Variants in RARB observed in about 807,000 individuals in gnomAD.
The protein encoded by RARB is HBV-activated protein.
A neutral mutation model predicts 51.9 loss-of-function variants in RARB; 17 were observed. That is an observed-to-expected ratio of 0.33 (90% confidence interval 0.22 to 0.49). The LOEUF (loss-of-function observed/expected upper bound fraction) is 0.49, where lower values mean the gene tolerates loss of function less well. Ranked by LOEUF, RARB falls within the 20% of genes least tolerant of loss-of-function variation. The pLI is 0.99. For synonymous variants in RARB, 215 were observed against 195.4 expected (o/e 1.10, Z -0.84); for missense variants, 369 against 550.8 (o/e 0.67, Z 3.30).
chr3:25,493,302 C>T (rs1015718550), intron 2 of RARB, among the ~76,000 whole-genome samples: 2 of 152,210 alleles, frequency 1.3e-5, no homozygotes, highest in African/African-American at 4.8e-5. Flanking sequence ...AATAACTTCT[C>T]AGACGTTGTC....
intron 5 of RARB, among the ~76,000 whole-genome samples, chr3:25,176,350 C>CTTTCTTTCTTTCTTTCTTTCT (rs1700749355): frequency 9.9e-5 from 5 of 50,516 alleles, no homozygotes; most frequent in Admixed American, 3.1e-4. Context: ...TCCTTCCTTC[C>CTTTCTTTCTTTCTTTCTTTCT]TTCCTTCCTT....
chr3:25,239,848 G>A (rs1702388764), intron 5 of RARB, among the ~76,000 whole-genome samples: 1 of 152,114 alleles, frequency 6.6e-6, no homozygotes, highest in Non-Finnish European at 1.5e-5. Context: ...TATTTTGACA[G>A]AGATTGCACT....
chr3:25,223,506 A>C (rs548556395), intron 5 of RARB, among the ~76,000 whole-genome samples: 2 of 152,132 alleles, frequency 1.3e-5, no homozygotes, highest in African/African-American at 4.8e-5. Context: ...AATACTTTAC[A>C]ATGACAAGCT....
chr3:24,888,070 G>A (rs75893217), intron 2 of RARB, among the ~76,000 whole-genome samples: 2,295 of 152,180 alleles, frequency 0.015, 52 homozygotes, highest in African/African-American at 0.052. Flanking sequence ...AATGATTAAA[G>A]TACTATGAGT....
chr3:25,213,250 C>G (rs2125379658), intron 5 of RARB, among the ~76,000 whole-genome samples: 1 of 152,310 alleles, frequency 6.6e-6, no homozygotes, highest in African/African-American at 2.4e-5. Context: ...TCCTCGCTGT[C>G]CTGCCTTCTG....
chr3:25,558,575 G>A (rs1263289674), intron 3 of RARB, among the ~76,000 whole-genome samples: 1 of 119,104 alleles, frequency 8.4e-6, no homozygotes. Flanking sequence ...ACCTTAGATT[G>A]TTCATCCTCG....
chr3:25,000,955 A>G (rs1018409009), intron 2 of RARB, among the ~76,000 whole-genome samples: 1 of 152,154 alleles, frequency 6.6e-6, no homozygotes, highest in Non-Finnish European at 1.5e-5. Context: ...TGATACTTGG[A>G]CAAAATTATG....
rs185931294 is a variant in RARB, at chr3:25,047,503, A to T, written c.-379-12622A>T. Among the ~76,000 whole-genome samples the T allele has an allele frequency of 1.4e-3, 214 of 152,306 alleles. 1 individual carries two copies. The highest frequency in any genetic ancestry group is 4.8e-3 in the African/African-American group (199 of 41,552). On this transcript the variant is annotated intron_variant, in intron 2 of 11. Transcript: ENST00000383772. ...GATTCACTCAGACTCTACATCTACT[A>T]TATTGGATGTCATAGCAAATGTCAA...
chr3:24,904,327 C>T (rs768319078), intron 2 of RARB, among the ~76,000 whole-genome samples: 12 of 152,100 alleles, frequency 7.9e-5, no homozygotes, highest in African/African-American at 2.9e-4. Context: ...GCCATGAAAA[C>T]AACCCCATCA....
At position 25,140,505 on chromosome 3, in the gene RARB, G is replaced by C. The variant is rs539049113; in HGVS notation, c.-280+8297G>C. On this transcript the variant is annotated intron_variant, in intron 4 of 11. Coordinates refer to the RARB transcript ENST00000383772. The stretch of plus-strand genomic sequence containing the variant: ...TTGCTACGGTCTCAAGATCAAACTT[G>C]AAGAGATGAGGAGTTGCTTCTTGTG... Among the ~76,000 whole-genome samples the C allele has an allele frequency of 1.1e-3, 171 of 152,292 alleles. 2 individuals are homozygous for C. Among genetic ancestry groups the C allele is most frequent in the Middle Eastern group, 6.8e-3 (2 of 294 alleles).
chr3:25,389,960 G>T (rs1706903412), intron 5 of RARB, among the ~76,000 whole-genome samples: 1 of 152,136 alleles, frequency 6.6e-6, no homozygotes, highest in Non-Finnish European at 1.5e-5. Context: ...AGGTGGTAAG[G>T]AGACATAAGT....
chr3:25,332,307 C>T (rs1022963309), intron 5 of RARB, among the ~76,000 whole-genome samples: 4 of 152,176 alleles, frequency 2.6e-5, no homozygotes, highest in Admixed American at 1.3e-4. Flanking sequence ...TCCAGCAGCA[C>T]ATCAAAAAGG....
intron 2 of RARB, among the ~76,000 whole-genome samples, chr3:25,010,886 C>A (rs553314988): frequency 6.6e-5 from 10 of 152,182 alleles, no homozygotes; most frequent in African/African-American, 2.2e-4. Flanking sequence ...TTAGTATTAT[C>A]TTTCTACCAA....
chr3:24,871,034 C>G (rs1352149550), intron 2 of RARB, among the ~76,000 whole-genome samples: 2 of 151,972 alleles, frequency 1.3e-5, no homozygotes, highest in African/African-American at 4.8e-5. Context: ...CCTCCGGTAA[C>G]CATCATTCTA....
At chr3:25,260,485 G>C (rs1702971454) in intron 5 of RARB, among the ~76,000 whole-genome samples, 1 of 152,052 alleles carries the variant, frequency 6.6e-6, no homozygotes, top group Non-Finnish European at 1.5e-5. Flanking sequence ...AAGGGCAGAA[G>C]AAAATCTCAC....
At chr3:25,322,056 A>G (rs1323960184) in intron 5 of RARB, among the ~76,000 whole-genome samples, 1 of 152,188 alleles carries the variant, frequency 6.6e-6, no homozygotes, top group African/African-American at 2.4e-5. Context: ...AATAAAATGC[A>G]TTATAAGCAA....
chr3:25,443,483 G>A (rs926289047), intron 1 of RARB, among the ~76,000 whole-genome samples: 2 of 151,562 alleles, frequency 1.3e-5, no homozygotes, highest in African/African-American at 2.4e-5. Context: ...AAGCTAAAGC[G>A]CGCCGGTAAT....
At chr3:25,441,089 G>C (rs1482438441) in intron 1 of RARB, 1 of 151,236 alleles carries the variant, frequency 6.6e-6, no homozygotes, top group African/African-American at 2.5e-5. Flanking sequence ...ATTTTTTTTC[G>C]GGGGGGTGGG....
Position 25,111,583 on chromosome 3 carries a change from G to GTTT in RARB, c.-327-20561_-327-20559dup, listed in dbSNP as rs370598264. ...TAAATGATCTCCGTTTCTAACAGTG[G>GTTT]TTTTTTTTTTTTTTTTTTTGAGACG... On this transcript the variant is annotated intron_variant, in intron 3 of 11. Coordinates refer to the RARB transcript ENST00000383772. 7.2e-3 allele frequency among the ~76,000 whole-genome samples: 871 copies of GTTT among 120,844 alleles called. 50 individuals carry two copies. The highest frequency in any genetic ancestry group is 0.043 in the South Asian group (156 of 3,612). 79.3% of individuals were successfully genotyped at this position (120,844 alleles called of 152,430 possible). A position where few individuals can be genotyped will look rare whatever the true frequency, so the allele number is the denominator to read the frequency against.
Sources: gnomAD v4.1 joint callset for allele counts (sites outside exome capture counted in the v4.1 genomes callset) on GRCh38, gnomAD v4.1.1 for gene constraint, MANE v1.5 for transcripts, NCBI Gene and HGNC (gene_info 2026-07-23, HGNC 2026-07-21) for gene names.